LTBP2: variants seen among roughly 807,000 people sequenced by gnomAD.
The protein encoded by LTBP2 is latent transforming growth factor beta binding protein 2.
LTBP2 carries 103 observed loss-of-function variants against 210.6 expected under a neutral mutation model. The observed-to-expected ratio is 0.49, with a 90% CI of 0.42 to 0.58. The LOEUF (loss-of-function observed/expected upper bound fraction) is 0.58, where lower values mean the gene tolerates loss of function less well. Ranked by LOEUF, LTBP2 falls within the 20% of genes least tolerant of loss-of-function variation. LTBP2 has a pLI of 0.00. For synonymous variants in LTBP2, 1,007 were observed against 1,015.0 expected (o/e 0.99, Z 0.15); for missense variants, 2,313 against 2,494.5 (o/e 0.93, Z 1.55).
chr14:74,605,512 G>A (rs1022617667), intron 1 of LTBP2, among the ~76,000 whole-genome samples: 3 of 152,232 alleles, frequency 2.0e-5, no homozygotes, highest in African/African-American at 7.2e-5. Flanking sequence ...GCGCCCCAGT[G>A]GAAGGGGAAA....
chr14:74,590,720 A>G (rs2088270828), intron 2 of LTBP2, among the ~76,000 whole-genome samples: 1 of 152,252 alleles, frequency 6.6e-6, no homozygotes, highest in Non-Finnish European at 1.5e-5. Context: ...CATTATTCTA[A>G]GTGAAGTAGC....
chr14:74,555,564 G>A lies in LTBP2; in HGVS notation c.960C>T (p.Gly320=). The A allele has an allele frequency of 6.2e-7, 1 of 1,612,828 alleles. No individual in the cohort carries two copies. Among genetic ancestry groups the A allele is most frequent in the Non-Finnish European group, 8.5e-7 (1 of 1,179,320 alleles). The change falls in exon 4 of 36, where the codon GGC becomes GGT. Residue 320 remains glycine (G), a synonymous_variant. Transcript: ENST00000261978. The part of the protein sequence containing the change: ...LSSNALPPGP[G]LEQRDGTQQA... ...GTTGGGTGCCATCTCTCTGCTCAAG[G>A]CCTGGTCCCGGGGGCAGGGCGTTGG... is the stretch of plus-strand genomic sequence containing the variant.
rs748417007 is a variant in LTBP2 at position 74,551,305 on chromosome 14, G to C, written c.1445C>G (p.Pro482Arg). Reference sequence around the variant, plus strand: ...CTGGTGGATCTGCACTGAGGCCTCGGGTGGGTGGTGAATGTGCACCTTCAC... The same window carrying C: ...CTGGTGGATCTGCACTGAGGCCTCGCGTGGGTGGTGAATGTGCACCTTCAC... Reference protein sequence around the residue: ...SLVKVHIHHPPEASVQIHQVA... With the variant: ...SLVKVHIHHPREASVQIHQVA... Residue 482 changes from proline to arginine, a missense_variant, in exon 7 of 36, where the codon CCC becomes CGC. By Grantham distance (103) the Pro-to-Arg change is moderately radical (BLOSUM62 -2). Coordinates refer to ENST00000261978, the MANE Select transcript of LTBP2 (RefSeq NM_000428.3). 6.9e-6 allele frequency: 11 copies of C among 1,596,298 alleles called. No homozygotes were observed. Among genetic ancestry groups the C allele is most frequent in the Non-Finnish European group, 9.4e-6 (11 of 1,169,338 alleles).
chr14:74,534,520 C>T (rs1179554417), intron 9 of LTBP2, among the ~76,000 whole-genome samples: 5 of 152,144 alleles, frequency 3.3e-5, no homozygotes, highest in African/African-American at 7.2e-5. Flanking sequence ...GGAGCCTTCC[C>T]TGATCCTTCC....
chr14:74,510,581 A>G (rs895951631), intron 19 of LTBP2, among the ~76,000 whole-genome samples: 1 of 152,202 alleles, frequency 6.6e-6, no homozygotes, highest in South Asian at 2.1e-4. Flanking sequence ...CTACCGGCCA[A>G]CCAAACAACC....
At chr14:74,583,663 C>T (rs1054397663) in intron 3 of LTBP2, among the ~76,000 whole-genome samples, 20 of 152,276 alleles carry the variant, frequency 1.3e-4, no homozygotes, top group African/African-American at 4.8e-4. Context: ...AAGGCTCACA[C>T]TGCCCATCCT....
intron 3 of LTBP2, among the ~76,000 whole-genome samples, chr14:74,564,613 G>A (rs1275428986): frequency 6.6e-6 from 1 of 150,400 alleles, no homozygotes; most frequent in Non-Finnish European, 1.5e-5. Context: ...TTGAACTCTT[G>A]ACCTGGTGAT....
rs550812413 is a variant in LTBP2 at position 74,568,562 on chromosome 14, GAAT to G, written c.831-12872_831-12870del. Reference sequence around the variant, plus strand: ...GAGAAATAGGAGGAGTCAAGGATGAGAATAATAATAGCCAACAGTTACATAGTG... The same window carrying G: ...GAGAAATAGGAGGAGTCAAGGATGAGAATAATAGCCAACAGTTACATAGTG... On this transcript the variant is annotated intron_variant, in intron 3 of 35. Transcript: ENST00000261978. Among the ~76,000 whole-genome samples, 42 of 152,284 alleles carry G rather than the reference GAAT, an allele frequency of 2.8e-4. No individual in the cohort carries two copies. In the South Asian group the frequency reaches 8.7e-3, roughly 32 times the overall value.
Position 74,508,059 on chromosome 14 carries a change from C to A in LTBP2, c.3689G>T (p.Gly1230Val). Residue 1230 changes from glycine to valine, a missense_variant, in exon 25 of 36, where the codon GGA becomes GTA. This residue lies in a region of LTBP2 where 1,867 missense variants were observed against 1,976.9 expected (regional missense o/e 0.94). Coordinates refer to ENST00000261978, the MANE Select transcript of LTBP2 (RefSeq NM_000428.3). Reference protein sequence around the residue: ...DECATTDPCVGGHCVNTEGSF... With the variant: ...DECATTDPCVVGHCVNTEGSF... ...GCCCTCGGTGTTGACACAGTGCCCT[C>A]CCACACACGGGTCTGTGGTGGCACA... The A allele has an allele frequency of 6.2e-7, 1 of 1,613,962 alleles. No homozygotes were observed. The highest frequency in any genetic ancestry group is 8.5e-7 in the Non-Finnish European group (1 of 1,180,022).
At position 74,549,948 on chromosome 14, in the gene LTBP2, C is replaced by T; in HGVS notation, c.1704G>A (p.Leu568=). 6.2e-7 allele frequency: 1 copy of T among 1,613,886 alleles called. No individual in the cohort carries two copies. The highest frequency in any genetic ancestry group is 1.6e-4 in the Middle Eastern group (1 of 6,062). Residue 568 remains leucine, a synonymous_variant, in exon 8 of 36, where the codon CTG becomes CTA. Transcript: ENST00000261978. Reference sequence around the variant, plus strand: ...AGCAGTCCTCCTGGGTAGTCAGCTCCAGCAGAGGGTTGGCACACTGGAAGG... The same window carrying T: ...AGCAGTCCTCCTGGGTAGTCAGCTCTAGCAGAGGGTTGGCACACTGGAAGG... The part of the protein sequence containing the change: ...TVNGQCANPL[L]ELTTQEDCCG...
At chr14:74,538,610 C>T (rs2087452628) in intron 8 of LTBP2, among the ~76,000 whole-genome samples, 1 of 152,204 alleles carries the variant, frequency 6.6e-6, no homozygotes, top group East Asian at 1.9e-4. Context: ...GGAGGCACCA[C>T]ATTTTCTTGG....
rs8007855 is a variant in LTBP2 at position 74,605,032 on chromosome 14, C to T, written c.495-1327G>A. Among the ~76,000 whole-genome samples the T allele has an allele frequency of 5.6e-3, 859 of 152,284 alleles. 7 individuals are homozygous for T. The highest frequency in any genetic ancestry group is 0.02 in the African/African-American group (818 of 41,566). On this transcript the variant is annotated intron_variant, in intron 1 of 35. Transcript: ENST00000261978. The stretch of plus-strand genomic sequence containing the variant: ...GGACTGACTCCTTGGCAGGCTGGGC[C>T]GGGCTCTGGCTTCCATCCTTATCAT...
intron 18 of LTBP2, among the ~76,000 whole-genome samples, chr14:74,513,637 T>A (rs1029068597): frequency 1.3e-5 from 2 of 152,174 alleles, no homozygotes; most frequent in African/African-American, 4.8e-5. Context: ...ACCCCATCTC[T>A]ACTAAAAATA....
intron 8 of LTBP2, among the ~76,000 whole-genome samples, chr14:74,544,971 T>G (rs1401779926): frequency 2.6e-5 from 4 of 152,170 alleles, no homozygotes; most frequent in African/African-American, 7.2e-5. Flanking sequence ...CTAGGGCAAT[T>G]ATTTCTCTTA....
rs781130604 is a variant in LTBP2 at position 74,501,445 on chromosome 14, G to T, written c.5316C>A (p.Cys1772Ter). Residue 1772 changes from cysteine to a stop codon, truncating the protein, a stop_gained, in exon 35 of 36, where the codon TGC (cysteine) becomes TGA (stop). Transcript: ENST00000261978. LOFTEE classifies it high-confidence loss of function. ...GFQLDAAHMACVDVNECDDLN... is the reference protein window; with the variant it reads ...GFQLDAAHMA ...CCATCAGAATTCTGCACTTACCTAC[G>T]CAGGCCATGTGGGCCGCATCCAGCT... The T allele has an allele frequency of 1.9e-6, 3 of 1,614,050 alleles. No individual in the cohort carries two copies. Among genetic ancestry groups the T allele is most frequent in the Non-Finnish European group, 2.5e-6 (3 of 1,179,998 alleles).
At chr14:74,610,333 A>G (rs1378440059) in intron 1 of LTBP2, among the ~76,000 whole-genome samples, 2 of 152,242 alleles carry the variant, frequency 1.3e-5, no homozygotes, top group African/African-American at 4.8e-5. Context: ...ACAGAGCTCA[A>G]TCCTGCTGAA....
At chr14:74,550,731 C>T (rs1294720061) in intron 7 of LTBP2, among the ~76,000 whole-genome samples, 2 of 152,194 alleles carry the variant, frequency 1.3e-5, no homozygotes, top group African/African-American at 4.8e-5. Flanking sequence ...TCCTAACAGC[C>T]CCACTGGTCC....
At chr14:74,521,312 T>C (rs894723511) in intron 17 of LTBP2, among the ~76,000 whole-genome samples, 1 of 152,234 alleles carries the variant, frequency 6.6e-6, no homozygotes, top group Non-Finnish European at 1.5e-5. Context: ...CATTATATTA[T>C]TTGTGAACTT....
At chr14:74,528,848 G>C in intron 11 of LTBP2, 110 bp downstream of exon 11, 1 of 1,531,596 alleles carries the variant, frequency 6.5e-7, no homozygotes, top group Non-Finnish European at 8.9e-7. Flanking sequence ...AGCAGGCAGG[G>C]AAGGCTACTT....
Sources: gnomAD v4.1 joint callset for allele counts (sites outside exome capture counted in the v4.1 genomes callset) on GRCh38, gnomAD v4.1.1 for gene constraint, gnomAD v4.1.1 regional missense constraint, MANE v1.5 for transcripts, NCBI Gene and HGNC (gene_info 2026-07-23, HGNC 2026-07-21) for gene names.